The following RAB38 variants were observed in gnomAD, a reference collection of about 807,000 sequenced individuals.
RAB38 encodes ras-related protein Rab-38.
Under a neutral mutation model 18.4 loss-of-function variants are expected in RAB38, and 15 were observed. The observed-to-expected ratio is 0.82, with a 90% CI of 0.55 to 1.26. The LOEUF is 1.26. Ranked by LOEUF, RAB38 falls within the 50% of genes most tolerant of loss-of-function variation. The probability of loss-of-function intolerance (pLI) is 0.00; values close to 1 mark genes in which losing one functional copy is unlikely to be tolerated. For missense variants in RAB38, 294 were observed against 267.4 expected (o/e 1.10, Z -0.69); for synonymous variants, 101 against 104.4 (o/e 0.97, Z 0.20).
chr11:88,035,019 T>G, the RAB38 span, among the ~76,000 whole-genome samples: 5 of 152,318 alleles, frequency 3.3e-5, no homozygotes, highest in South Asian at 1.0e-3. Flanking sequence ...GTATAACACT[T>G]TCTCTGGATG....
intron 2 of RAB38, among the ~76,000 whole-genome samples, chr11:88,136,474 C>A (rs907194724): frequency 2.6e-5 from 4 of 152,178 alleles, no homozygotes; most frequent in South Asian, 2.1e-4. Flanking sequence ...GCAAACGTGT[C>A]TTAGTAACAT....
the RAB38 span, among the ~76,000 whole-genome samples, chr11:87,878,222 T>TATATATATATATATATATACACAC: frequency 1.7e-4 from 20 of 116,204 alleles, 1 homozygote; most frequent in African/African-American, 9.0e-4. Flanking sequence ...TATATATATA[T>TATATATATATATATATATACACAC]ACACACATAT....
chr11:88,062,467 T>A, the RAB38 span, among the ~76,000 whole-genome samples: 1 of 152,224 alleles, frequency 6.6e-6, no homozygotes, highest in South Asian at 2.1e-4. Context: ...TTTATAGCAG[T>A]GTGAGAACGG....
chr11:88,052,935 T>TTTCATATATATATATATATA, the RAB38 span, among the ~76,000 whole-genome samples: 1 of 85,790 alleles, frequency 1.2e-5, no homozygotes, highest in African/African-American at 5.2e-5. Context: ...TATATATATA[T>TTTCATATATATATATATATA]ATATATATAA....
At chr11:87,948,016 T>C in the RAB38 span, among the ~76,000 whole-genome samples, 10 of 152,276 alleles carry the variant, frequency 6.6e-5, no homozygotes, top group East Asian at 9.6e-4. Flanking sequence ...ATTGATTCTT[T>C]GTACCCATGA....
the RAB38 span, among the ~76,000 whole-genome samples, chr11:87,806,750 T>C: frequency 4.6e-5 from 7 of 152,236 alleles, no homozygotes; most frequent in African/African-American, 7.2e-5. Flanking sequence ...ACAAGTATTT[T>C]ATTGTTTATT....
chr11:87,974,152 C>T, the RAB38 span, among the ~76,000 whole-genome samples: 1 of 151,768 alleles, frequency 6.6e-6, no homozygotes, highest in Non-Finnish European at 1.5e-5. Context: ...AGTCAGAAGA[C>T]ACAGATATCA....
chr11:87,968,410 G>A, the RAB38 span, among the ~76,000 whole-genome samples: 1 of 152,160 alleles, frequency 6.6e-6, no homozygotes, highest in African/African-American at 2.4e-5. Context: ...AGGTGTTGCA[G>A]TGTGACTAAA....
chr11:87,893,390 A>ATATTTTTTTTT, the RAB38 span, among the ~76,000 whole-genome samples: 1,895 of 93,866 alleles, frequency 0.02, 35 homozygotes, highest in Non-Finnish European at 0.028. Flanking sequence ...ATATATATAT[A>ATATTTTTTTTT]TTTTTTTTTT....
the RAB38 span, among the ~76,000 whole-genome samples, chr11:88,091,964 A>T: frequency 7.2e-5 from 11 of 151,818 alleles, no homozygotes; most frequent in African/African-American, 2.7e-4. Context: ...GTTATTTAGA[A>T]CTGTGAAGAA....
intron 1 of RAB38, among the ~76,000 whole-genome samples, chr11:88,172,001 T>G (rs1158222024): frequency 6.6e-6 from 1 of 152,180 alleles, no homozygotes; most frequent in African/African-American, 2.4e-5. Context: ...AAGGAGAAGG[T>G]AAGTTTAACC....
the RAB38 span, among the ~76,000 whole-genome samples, chr11:88,081,908 A>C: frequency 1.3e-5 from 2 of 151,934 alleles, no homozygotes; most frequent in African/African-American, 4.8e-5. Flanking sequence ...AGTATACCTT[A>C]CTACTTGGCA....
Position 88,175,331 on chromosome 11 carries a change from C to T in RAB38, c.54G>A (p.Leu18=). The change falls in exon 1 of 3, where the codon CTG becomes CTA. Residue 18 remains leucine, a synonymous_variant. Coordinates refer to ENST00000243662, the MANE Select transcript of RAB38 (RefSeq NM_022337.3). The part of the protein sequence containing the change: ...HLYKLLVIGD[L]GVGKTSIIKR... ...TGATGATACTGGTCTTCCCCACGCCCAGGTCGCCAATCACCAGCAACTTGT... is the reference window on the plus strand; with the variant it reads ...TGATGATACTGGTCTTCCCCACGCCTAGGTCGCCAATCACCAGCAACTTGT... The T allele has an allele frequency of 1.2e-6, 2 of 1,614,206 alleles. No homozygotes were observed. Among genetic ancestry groups the T allele is most frequent in the Non-Finnish European group, 1.7e-6 (2 of 1,180,038 alleles).
the RAB38 span, among the ~76,000 whole-genome samples, chr11:88,078,402 C>T: frequency 2.0e-5 from 3 of 151,898 alleles, no homozygotes; most frequent in Admixed American, 2.0e-4. Flanking sequence ...CAATATGAAT[C>T]ACCATTCAGA....
chr11:87,837,751 GA>G, the RAB38 span, among the ~76,000 whole-genome samples: 1 of 152,210 alleles, frequency 6.6e-6, no homozygotes, highest in African/African-American at 2.4e-5. Context: ...AAGTCACACA[GA>G]TAGTGTTCCT....
the RAB38 span, chr11:87,817,676 A>T: frequency 6.6e-6 from 1 of 152,140 alleles, no homozygotes; most frequent in Non-Finnish European, 1.5e-5. Context: ...ATTAATTGTT[A>T]TTATTTTTAT....
the RAB38 span, among the ~76,000 whole-genome samples, chr11:87,885,148 CAA>C: frequency 6.6e-6 from 1 of 152,000 alleles, no homozygotes; most frequent in East Asian, 2.0e-4. Flanking sequence ...GCTACGTAAT[CAA>C]AATGATACTT....
the RAB38 span, among the ~76,000 whole-genome samples, chr11:88,017,174 G>A: frequency 6.6e-6 from 1 of 152,034 alleles, no homozygotes; most frequent in East Asian, 1.9e-4. Context: ...ACATGAGAGA[G>A]GAAAGGTCAG....
the RAB38 span, among the ~76,000 whole-genome samples, chr11:87,939,379 T>C: frequency 1.9e-4 from 28 of 146,406 alleles, no homozygotes; most frequent in African/African-American, 3.0e-4. Context: ...CACACATACA[T>C]ACACACACAC....
Sources: allele counts gnomAD v4.1 joint callset (sites outside exome capture counted in the v4.1 genomes callset), GRCh38; gene constraint gnomAD v4.1.1; transcripts MANE v1.5; gene names NCBI Gene and HGNC (gene_info 2026-07-23, HGNC 2026-07-21).